USH2A: variants seen among roughly 807,000 people sequenced by gnomAD.
USH2A encodes the protein Usher syndrome 2A (autosomal recessive, mild).
In USH2A, 443 loss-of-function variants were observed where a neutral mutation model predicts 538.9. The ratio of observed to expected loss-of-function variants is 0.82; its 90% CI spans 0.76 to 0.89. The LOEUF is 0.89. Among genes scored for constraint, USH2A ranks in the 40% least tolerant of loss-of-function variants. The probability of loss-of-function intolerance (pLI) is 0.00; values close to 1 mark genes in which losing one functional copy is unlikely to be tolerated. For synonymous variants in USH2A, 2,413 were observed against 2,273.5 expected (o/e 1.06, Z -1.75); for missense variants, 6,633 against 6,324.8 (o/e 1.05, Z -1.65).
At chr1:216,408,255 C>T (rs1000208642) in intron 3 of USH2A, among the ~76,000 whole-genome samples, 15 of 152,220 alleles carry the variant, frequency 9.9e-5, no homozygotes, top group African/African-American at 3.6e-4. Context: ...AACATTCAGA[C>T]TGGCAAAAGG....
chr1:215,919,950 GC>G (rs1369915440), intron 38 of USH2A, among the ~76,000 whole-genome samples: 2 of 151,848 alleles, frequency 1.3e-5, no homozygotes, highest in African/African-American at 4.8e-5. Context: ...TTTATTCAAA[GC>G]CTATTTTTGT....
intron 64 of USH2A, among the ~76,000 whole-genome samples, chr1:215,663,300 T>A (rs1415572702): frequency 6.6e-6 from 1 of 152,230 alleles, no homozygotes; most frequent in African/African-American, 2.4e-5. Flanking sequence ...GTAGCAGGCA[T>A]CCTACTAGAC....
In USH2A at chr1:216,074,377, G is replaced by T. The variant is rs879469740; in HGVS notation, c.5573-1077C>A. Among the ~76,000 whole-genome samples, 6 of 151,754 alleles carry T rather than the reference G, an allele frequency of 4.0e-5. 1 individual carries two copies. Among genetic ancestry groups the T allele is most frequent in the Admixed American group, 3.9e-4 (6 of 15,206 alleles). On this transcript the variant is annotated intron_variant, in intron 27 of 71. Coordinates refer to ENST00000307340, the MANE Select transcript of USH2A (RefSeq NM_206933.4). ...GAACAAAACACTGTAAAGTTTGAAA[G>T]GCCTCAAACACATGATCAGCTCTTT...
intron 3 of USH2A, among the ~76,000 whole-genome samples, chr1:216,414,266 A>G (rs1236088589): frequency 6.6e-6 from 1 of 152,088 alleles, no homozygotes; most frequent in Non-Finnish European, 1.5e-5. Flanking sequence ...ATTAAACCCC[A>G]AAGTAAAATT....
intron 15 of USH2A, among the ~76,000 whole-genome samples, chr1:216,211,441 TTGA>T (rs562282032): frequency 6.3e-4 from 96 of 152,322 alleles, no homozygotes; most frequent in African/African-American, 2.3e-3. Context: ...TTCAACTATG[TTGA>T]TGGTGGTGTG....
intron 9 of USH2A, among the ~76,000 whole-genome samples, chr1:216,304,239 C>T (rs939468855): frequency 1.3e-5 from 2 of 151,978 alleles, no homozygotes; most frequent in Non-Finnish European, 2.9e-5. Context: ...CATTTGAAGA[C>T]CTCCAGTAGA....
chr1:215,684,928 G>C (rs561022129), intron 61 of USH2A, among the ~76,000 whole-genome samples: 2 of 150,948 alleles, frequency 1.3e-5, no homozygotes, highest in South Asian at 2.1e-4. Flanking sequence ...GAAGAATCTA[G>C]ATTTAAGTAT....
chr1:215,668,741 T>C (rs1657710003), intron 64 of USH2A, among the ~76,000 whole-genome samples: 1 of 152,156 alleles, frequency 6.6e-6, no homozygotes, highest in Non-Finnish European at 1.5e-5. Flanking sequence ...CATAGAAAAC[T>C]GGGATGGGGC....
intron 61 of USH2A, among the ~76,000 whole-genome samples, chr1:215,682,404 A>C (rs1420712974): frequency 2.6e-5 from 4 of 152,194 alleles, no homozygotes; most frequent in Non-Finnish European, 5.9e-5. Flanking sequence ...CAGAGCTGAG[A>C]ATTCCATTCA....
At chr1:215,983,019 C>T (rs760865335) in intron 35 of USH2A, among the ~76,000 whole-genome samples, 11 of 152,150 alleles carry the variant, frequency 7.2e-5, no homozygotes, top group Non-Finnish European at 1.5e-4. Flanking sequence ...GGCACACTCT[C>T]GGCTCACTGG....
At chr1:216,393,159 C>G (rs1415406511) in intron 3 of USH2A, among the ~76,000 whole-genome samples, 2 of 152,172 alleles carry the variant, frequency 1.3e-5, no homozygotes, top group Non-Finnish European at 2.9e-5. Flanking sequence ...GAAACATTGA[C>G]TAAGCCTGGC....
Position 215,671,099 on chromosome 1 carries a change from T to C in USH2A, c.14006A>G (p.Tyr4669Cys), listed in dbSNP as rs1384979532. 4 of 1,614,174 alleles carry C rather than the reference T, an allele frequency of 2.5e-6. No homozygotes were observed. The highest frequency in any genetic ancestry group is 2.5e-6 in the Non-Finnish European group (3 of 1,180,022). ...GPLQPNGKVL[Y>C]YELYRRQIAT... ...TATTTGTCTTCTGTATAATTCGTAA[T>C]ACAAAACTTTTCCATTTGGCTGCAG... Residue 4669 changes from tyrosine to cysteine, a missense_variant, in exon 64 of 72, where the codon TAT (tyrosine) becomes TGT (cysteine). Transcript: ENST00000307340.
chr1:216,405,084 G>A (rs1385199536), intron 3 of USH2A, among the ~76,000 whole-genome samples: 1 of 152,144 alleles, frequency 6.6e-6, no homozygotes, highest in African/African-American at 2.4e-5. Flanking sequence ...TCGAAGTCCT[G>A]GGCTCAAGCA....
In USH2A at chr1:215,867,100, C is replaced by A. The variant is rs750971195; in HGVS notation, c.8752G>T (p.Val2918Leu). Reference sequence around the variant, plus strand: ...TCTGGAAGACCAGCTAACGTTGTCACAGTCACTTCTCGGCTCGGTGTAAAA... The same window carrying A: ...TCTGGAAGACCAGCTAACGTTGTCAAAGTCACTTCTCGGCTCGGTGTAAAA... ...VGFTPSREVT[V>L]TTLAGLPERG... Residue 2918 changes from valine to leucine, a missense_variant, in exon 44 of 72, where the codon GTG (valine) becomes TTG (leucine). By Grantham distance (32) the Val-to-Leu change is conservative (BLOSUM62 1). Coordinates refer to ENST00000307340, the MANE Select transcript of USH2A (RefSeq NM_206933.4). 1.2e-6 allele frequency: 2 copies of A among 1,614,148 alleles called. No individual in the cohort carries two copies. The highest frequency in any genetic ancestry group is 1.1e-5 in the South Asian group (1 of 91,084).
Position 215,882,170 on chromosome 1 carries a change from T to C in USH2A, c.8224-3072A>G, listed in dbSNP as rs1571776974. 3.3e-5 allele frequency among the ~76,000 whole-genome samples: 5 copies of C among 152,334 alleles called. No homozygotes were observed. The South Asian group carries it at 1.0e-3, about 32-fold the overall frequency. On this transcript the variant is annotated intron_variant, in intron 41 of 71. Coordinates refer to ENST00000307340, the MANE Select transcript of USH2A (RefSeq NM_206933.4). The stretch of plus-strand genomic sequence containing the variant: ...AGATGATAAATGTCTCAAAGCGGTG[T>C]GGCTTTAGGCAAAACATTTAACATC...
chr1:216,055,063 T>A (rs1008067417), intron 30 of USH2A, among the ~76,000 whole-genome samples: 1 of 152,038 alleles, frequency 6.6e-6, no homozygotes, highest in African/African-American at 2.4e-5. Flanking sequence ...ATGGAGAATT[T>A]ATCTCTCATT....
chr1:216,208,737 T>C (rs2035173867), intron 15 of USH2A, among the ~76,000 whole-genome samples: 1 of 152,152 alleles, frequency 6.6e-6, no homozygotes, highest in African/African-American at 2.4e-5. Flanking sequence ...TGTTACAGAA[T>C]TCATCAACAA....
chr1:216,063,715 T>C (rs1293500495), intron 30 of USH2A, among the ~76,000 whole-genome samples: 1 of 152,134 alleles, frequency 6.6e-6, no homozygotes, highest in Non-Finnish European at 1.5e-5. Context: ...AAGATAAAAC[T>C]AAAACTGCAG....
chr1:215,689,978 T>C (rs959237888), intron 61 of USH2A, among the ~76,000 whole-genome samples: 4 of 152,204 alleles, frequency 2.6e-5, no homozygotes, highest in African/African-American at 9.6e-5. Flanking sequence ...AGCAGTAATA[T>C]ATCTTCTCTA....
Sources: allele counts gnomAD v4.1 joint callset (sites outside exome capture counted in the v4.1 genomes callset), GRCh38; gene constraint gnomAD v4.1.1; transcripts MANE v1.5; gene names NCBI Gene and HGNC (gene_info 2026-07-23, HGNC 2026-07-21).